Variants in CPS1 observed in about 807,000 individuals in gnomAD.
CPS1 encodes the protein carbamoyl-phosphate synthase 1, also known as carbamoyl-phosphate synthase [ammonia], mitochondrial.
A neutral mutation model predicts 174.6 loss-of-function variants in CPS1; 109 were observed. The observed-to-expected ratio is 0.62, with a 90% CI of 0.53 to 0.73. The LOEUF is 0.73. CPS1 is among the 30% of genes least tolerant of loss of function. CPS1 has a pLI of 0.00. For missense variants in CPS1, 1,689 were observed against 1,821.9 expected (o/e 0.93, Z 1.33); for synonymous variants, 637 against 632.0 (o/e 1.01, Z -0.12).
At chr2:210,588,282 A>T in intron 7 of CPS1, 135 bp downstream of exon 7, 2 of 782,410 alleles carry the variant, frequency 2.6e-6, no homozygotes, top group Non-Finnish European at 4.4e-6. Context: ...GTTGCTTTTG[A>T]TTTACAAAAT....
chr2:210,570,036 G>T (rs529196448), intron 1 of CPS1, among the ~76,000 whole-genome samples: 119 of 152,056 alleles, frequency 7.8e-4, no homozygotes, highest in African/African-American at 2.6e-3. Context: ...CTGTTAGTTA[G>T]AAGAAAGGAT....
intron 1 of CPS1, among the ~76,000 whole-genome samples, chr2:210,505,209 T>C (rs201397338): frequency 2.7e-4 from 41 of 151,818 alleles, no homozygotes; most frequent in Non-Finnish European, 1.3e-4. Flanking sequence ...ATCCTATAAT[T>C]AGGGCTCTGA....
Position 210,674,897 on chromosome 2 carries a change from T to C in CPS1, c.4102-5T>C, listed in dbSNP as rs1238427783. 3.1e-6 allele frequency: 5 copies of C among 1,613,028 alleles called. No homozygotes were observed. Among genetic ancestry groups the C allele is most frequent in the Non-Finnish European group, 4.2e-6 (5 of 1,179,006 alleles). On this transcript the variant is annotated splice_region_variant and splice_polypyrimidine_tract_variant and intron_variant, in intron 34 of 37. Transcript: ENST00000233072. The stretch of plus-strand genomic sequence containing the variant: ...GAAAGTGAATTTTGTGAAATTCCTT[T>C]TCAGCAATCATTCCGGCCAAGATTC...
chr2:210,576,584 A>G, intron 3 of CPS1, 94 bp downstream of exon 3: 11 of 1,290,724 alleles, frequency 8.5e-6, no homozygotes, highest in African/African-American at 1.5e-5. Context: ...TTCTTCCTCA[A>G]TACGGTAGTA....
At chr2:210,612,792 T>G (rs1699173931) in intron 20 of CPS1, among the ~76,000 whole-genome samples, 1 of 151,986 alleles carries the variant, frequency 6.6e-6, no homozygotes, top group Non-Finnish European at 1.5e-5. Context: ...AAGGCCCACA[T>G]GATTATAGGG....
intron 1 of CPS1, among the ~76,000 whole-genome samples, chr2:210,516,163 T>C (rs920739076): frequency 1.3e-5 from 2 of 151,752 alleles, no homozygotes; most frequent in African/African-American, 4.8e-5. Context: ...ATGTGAAAGA[T>C]GTACATTCTA....
intron 1 of CPS1, among the ~76,000 whole-genome samples, chr2:210,511,882 C>T (rs1006732392): frequency 6.6e-6 from 1 of 152,052 alleles, no homozygotes; most frequent in African/African-American, 2.4e-5. Context: ...CAATAATCTT[C>T]AATAAATTTA....
At chr2:210,676,202 T>C (rs78413774) in intron 36 of CPS1, among the ~76,000 whole-genome samples, 4,154 of 152,346 alleles carry the variant, frequency 0.027, 79 homozygotes, top group Non-Finnish European at 0.042. Flanking sequence ...TTGTGCATAA[T>C]AAATCAATTT....
chr2:210,592,908 C>A lies in CPS1; in HGVS notation c.1116C>A (p.Phe372Leu). 1 of 1,612,448 alleles carries A rather than the reference C, an allele frequency of 6.2e-7. No individual in the cohort carries two copies. The highest frequency in any genetic ancestry group is 8.5e-7 in the Non-Finnish European group (1 of 1,179,002). ...EGIMHESKPF[F>L]AVQFHPEVTP... ...TTATGCATGAGAGCAAACCCTTCTTCGCTGTGCAGTTCCACCCAGAGGTCA... is the reference window on the plus strand; with the variant it reads ...TTATGCATGAGAGCAAACCCTTCTTAGCTGTGCAGTTCCACCCAGAGGTCA... Residue 372 changes from phenylalanine to leucine, a missense_variant, in exon 11 of 38, where the codon TTC (phenylalanine) becomes TTA (leucine). Transcript: ENST00000233072.
chr2:210,647,859 C>A lies in CPS1; in HGVS notation c.3142-4C>A. 6.2e-7 allele frequency: 1 copy of A among 1,613,880 alleles called. No individual in the cohort carries two copies. Among genetic ancestry groups the A allele is most frequent in the Middle Eastern group, 1.7e-4 (1 of 6,038 alleles). On this transcript the variant is annotated splice_region_variant and splice_polypyrimidine_tract_variant and intron_variant, in intron 25 of 37. Transcript: ENST00000233072. ...ATGGCTGATATTGTGAGTGTATTTT[C>A]CAGGCATGTGGTGGCTGCATCATAT...
chr2:210,599,537 G>T lies in CPS1; in HGVS notation c.1525G>T (p.Gly509Cys), dbSNP rs1034278498. ...EQPDGLILGM[G>C]GQTALNCGVE... ...GCCAGATGGGTTAATTCTGGGCATG[G>T]GTGGCCAGACAGCTCTGAACTGTGG... The change falls in exon 14 of 38, where the codon GGT becomes TGT. Residue 509 changes from glycine (G) to cysteine (C), a missense_variant. Coordinates refer to ENST00000233072, the MANE Select transcript of CPS1 (RefSeq NM_001875.5). 6.2e-7 allele frequency: 1 copy of T among 1,612,394 alleles called. No individual in the cohort carries two copies. Among genetic ancestry groups the T allele is most frequent in the African/African-American group, 1.3e-5 (1 of 74,898 alleles).
chr2:210,529,410 CAG>C (rs1050379624), intron 1 of CPS1, among the ~76,000 whole-genome samples: 2 of 151,928 alleles, frequency 1.3e-5, no homozygotes, highest in African/African-American at 2.4e-5. Flanking sequence ...TTTTGATAAC[CAG>C]AGAGTCAACC....
chr2:210,490,268 G>A (rs1694838496), intron 1 of CPS1, among the ~76,000 whole-genome samples: 1 of 152,066 alleles, frequency 6.6e-6, no homozygotes, highest in Non-Finnish European at 1.5e-5. Flanking sequence ...ATGCTTATAG[G>A]CTTACCTCTG....
chr2:210,565,162 A>T (rs1697259087), intron 1 of CPS1, among the ~76,000 whole-genome samples: 2 of 152,106 alleles, frequency 1.3e-5, no homozygotes, highest in South Asian at 4.1e-4. Flanking sequence ...TACATAGGAA[A>T]ATTCCGTTTT....
At chr2:210,610,783 GA>G (rs1699086375) in intron 19 of CPS1, among the ~76,000 whole-genome samples, 1 of 151,252 alleles carries the variant, frequency 6.6e-6, no homozygotes, top group African/African-American at 2.4e-5. Flanking sequence ...AGAGAGTATT[GA>G]AAAGCACAAT....
chr2:210,514,605 G>A (rs183158832), intron 1 of CPS1, among the ~76,000 whole-genome samples: 1 of 151,866 alleles, frequency 6.6e-6, no homozygotes, highest in Non-Finnish European at 1.5e-5. Flanking sequence ...TCTAGGCATA[G>A]AATCATATAA....
chr2:210,669,557 C>T (rs1232432811), intron 34 of CPS1, among the ~76,000 whole-genome samples: 1 of 152,080 alleles, frequency 6.6e-6, no homozygotes. Flanking sequence ...ACTCTGGAGA[C>T]TTTACAGGTA....
intron 2 of CPS1, among the ~76,000 whole-genome samples, chr2:210,574,714 A>G (rs966843747): frequency 9.2e-5 from 14 of 152,124 alleles, no homozygotes; most frequent in African/African-American, 3.4e-4. Flanking sequence ...ACAAAAGTCA[A>G]ACAGGAGCTG....
chr2:210,483,914 A>G (rs932811589), intron 1 of CPS1, among the ~76,000 whole-genome samples: 31 of 152,324 alleles, frequency 2.0e-4, no homozygotes, highest in Admixed American at 1.4e-3. Flanking sequence ...TCTTTTGCTC[A>G]TTCATTGATC....
Sources: allele counts gnomAD v4.1 joint callset (sites outside exome capture counted in the v4.1 genomes callset), GRCh38; gene constraint gnomAD v4.1.1; transcripts MANE v1.5; gene names NCBI Gene and HGNC (gene_info 2026-07-23, HGNC 2026-07-21).